SLC24A3: variants seen among roughly 807,000 people sequenced by gnomAD.
The protein encoded by SLC24A3 is solute carrier family 24 member 3.
In SLC24A3, 28 loss-of-function variants were observed where a neutral mutation model predicts 75.8. That is an observed-to-expected ratio of 0.37 (90% CI 0.27 to 0.51). The LOEUF (loss-of-function observed/expected upper bound fraction) is 0.51. Among genes scored for constraint, SLC24A3 ranks in the 20% least tolerant of loss-of-function variants. The pLI is 0.94. For missense variants in SLC24A3, 663 were observed against 847.8 expected (o/e 0.78, Z 2.71); for synonymous variants, 372 against 334.1 (o/e 1.11, Z -1.24).
intron 3 of SLC24A3, among the ~76,000 whole-genome samples, chr20:19,524,917 C>A (rs1485172882): frequency 1.3e-5 from 2 of 152,170 alleles, no homozygotes; most frequent in Non-Finnish European, 2.9e-5. Context: ...GCAAATCAAT[C>A]TGGATAAAAT....
At chr20:19,234,409 C>T (rs1007695494) in intron 1 of SLC24A3, among the ~76,000 whole-genome samples, 5 of 152,222 alleles carry the variant, frequency 3.3e-5, no homozygotes, top group East Asian at 1.9e-4. Context: ...GCCCTCTGCA[C>T]GTGGTCACAC....
At chr20:19,251,357 G>C (rs1982648148) in intron 1 of SLC24A3, among the ~76,000 whole-genome samples, 1 of 152,182 alleles carries the variant, frequency 6.6e-6, no homozygotes, top group Non-Finnish European at 1.5e-5. Context: ...GCCACAGACA[G>C]GGAAGAAAAG....
At chr20:19,616,297 G>A (rs1001482020) in intron 6 of SLC24A3, among the ~76,000 whole-genome samples, 4 of 152,250 alleles carry the variant, frequency 2.6e-5, no homozygotes, top group Admixed American at 6.5e-5. Context: ...GGAGCCAACA[G>A]CTTGAAGCCA....
At chr20:19,252,771 T>C (rs1338712488) in intron 1 of SLC24A3, among the ~76,000 whole-genome samples, 1 of 152,056 alleles carries the variant, frequency 6.6e-6, no homozygotes, top group Non-Finnish European at 1.5e-5. Flanking sequence ...CAGATCTTAC[T>C]CAACAACTCC....
chr20:19,673,564 C>G, intron 8 of SLC24A3, 37 bp from the exon 9 acceptor site: 2 of 1,591,752 alleles, frequency 1.3e-6, no homozygotes, highest in Non-Finnish European at 1.7e-6. Context: ...TCACAGATGT[C>G]CATGACTGTC....
Position 19,652,800 on chromosome 20 carries a change from T to C in SLC24A3, c.613-1262T>C, listed in dbSNP as rs559118376. On this transcript the variant is annotated intron_variant, in intron 6 of 16. Coordinates refer to ENST00000328041, the MANE Select transcript of SLC24A3 (RefSeq NM_020689.4). The stretch of plus-strand genomic sequence containing the variant: ...CACAGCAGTCGGGGAGGGTAGAGGC[T>C]CAGGGATTGCATGTCCCTGGGGTCC... Among the ~76,000 whole-genome samples the C allele has an allele frequency of 2.6e-5, 4 of 152,338 alleles. 1 individual carries two copies. Among genetic ancestry groups the C allele is most frequent in the African/African-American group, 9.6e-5 (4 of 41,586 alleles).
rs894389125 is a variant in SLC24A3, at chr20:19,662,078, C to T, written c.688-3786C>T. ...AGCAGAACACGTGGAAACCTCAGGG[C>T]GAAGCCAAGGGTATCTTTGGATGAA... On this transcript the variant is annotated intron_variant, in intron 7 of 16. Coordinates refer to ENST00000328041, the MANE Select transcript of SLC24A3 (RefSeq NM_020689.4). 2.0e-4 allele frequency among the ~76,000 whole-genome samples: 31 copies of T among 152,196 alleles called. 1 individual carries two copies. The highest frequency in any genetic ancestry group is 4.6e-4 in the African/African-American group (19 of 41,468).
At chr20:19,581,618 T>C (rs1332698416) in intron 4 of SLC24A3, among the ~76,000 whole-genome samples, 3 of 152,230 alleles carry the variant, frequency 2.0e-5, no homozygotes, top group African/African-American at 7.2e-5. Context: ...GTTCAGTCGC[T>C]AAACAGTGTG....
chr20:19,355,486 T>G lies in SLC24A3; in HGVS notation c.271+74399T>G, dbSNP rs78097326. On this transcript the variant is annotated intron_variant, in intron 2 of 16. Transcript: ENST00000328041. ...TTGCCTCCTTACATTGTGATTTGATTCTTCTCTCTGGCCTCTACCTGGAGC... is the reference window on the plus strand; with the variant it reads ...TTGCCTCCTTACATTGTGATTTGATGCTTCTCTCTGGCCTCTACCTGGAGC... Among the ~76,000 whole-genome samples the G allele has an allele frequency of 6.2e-3, 944 of 152,318 alleles. 8 individuals are homozygous for G. Among genetic ancestry groups the G allele is most frequent in the African/African-American group, 0.021 (890 of 41,578 alleles).
intron 2 of SLC24A3, among the ~76,000 whole-genome samples, chr20:19,502,597 C>T (rs926925459): frequency 1.3e-5 from 2 of 152,110 alleles, no homozygotes; most frequent in Non-Finnish European, 2.9e-5. Context: ...CTAAAACCAC[C>T]TCTGGCTTTG....
At chr20:19,334,774 C>T (rs777366449) in intron 2 of SLC24A3, among the ~76,000 whole-genome samples, 3 of 152,180 alleles carry the variant, frequency 2.0e-5, no homozygotes, top group Admixed American at 6.5e-5. Context: ...GAAACATGGA[C>T]GCTGGGGGGC....
chr20:19,519,047 G>T (rs917413873), intron 3 of SLC24A3, among the ~76,000 whole-genome samples: 1 of 152,170 alleles, frequency 6.6e-6, no homozygotes, highest in African/African-American at 2.4e-5. Context: ...CCCAAGAGAG[G>T]GCCATGGGGC....
At chr20:19,488,091 G>C (rs992230677) in intron 2 of SLC24A3, among the ~76,000 whole-genome samples, 9 of 152,216 alleles carry the variant, frequency 5.9e-5, no homozygotes, top group Non-Finnish European at 1.3e-4. Context: ...GGTCAAGAGA[G>C]ACTTTCTCGT....
At chr20:19,710,726 TC>T (rs1466059994) in intron 15 of SLC24A3, among the ~76,000 whole-genome samples, 2 of 152,224 alleles carry the variant, frequency 1.3e-5, no homozygotes, top group African/African-American at 4.8e-5. Context: ...TTAGCATGCC[TC>T]AAGAAAGTGT....
At chr20:19,587,698 T>C (rs1167455105) in intron 6 of SLC24A3, among the ~76,000 whole-genome samples, 1 of 152,332 alleles carries the variant, frequency 6.6e-6, no homozygotes, top group East Asian at 1.9e-4. Context: ...TAAATCCTGA[T>C]TCTGCCATTT....
intron 2 of SLC24A3, among the ~76,000 whole-genome samples, chr20:19,399,579 G>A (rs1313015553): frequency 6.6e-6 from 1 of 152,090 alleles, no homozygotes; most frequent in East Asian, 1.9e-4. Context: ...CTGATTTCTA[G>A]TATAATTCCA....
intron 2 of SLC24A3, among the ~76,000 whole-genome samples, chr20:19,502,868 CAAAA>C (rs368651686): frequency 1.4e-5 from 1 of 72,206 alleles, no homozygotes; most frequent in Admixed American, 1.8e-4. Flanking sequence ...CTGTCTCTAC[CAAAA>C]AAAAAAAAAA....
At chr20:19,287,126 A>C (rs942094920) in intron 2 of SLC24A3, among the ~76,000 whole-genome samples, 1 of 152,274 alleles carries the variant, frequency 6.6e-6, no homozygotes, top group Non-Finnish European at 1.5e-5. Flanking sequence ...GTGTTAACAC[A>C]AGAGAAGTTT....
At chr20:19,425,855 C>T (rs979532482) in intron 2 of SLC24A3, among the ~76,000 whole-genome samples, 1 of 152,078 alleles carries the variant, frequency 6.6e-6, no homozygotes, top group African/African-American at 2.4e-5. Context: ...CCAAATTGGG[C>T]CAGTGGTTGC....
Sources: allele counts gnomAD v4.1 joint callset (sites outside exome capture counted in the v4.1 genomes callset), GRCh38; gene constraint gnomAD v4.1.1; transcripts MANE v1.5; gene names NCBI Gene and HGNC (gene_info 2026-07-23, HGNC 2026-07-21).